MYO9B: variants seen among roughly 807,000 people sequenced by gnomAD.
MYO9B encodes the protein myosin IXB.
MYO9B carries 71 observed loss-of-function variants against 229.5 expected under a neutral mutation model. The observed-to-expected ratio is 0.31, with a 90% CI of 0.26 to 0.38. The LOEUF is 0.38. Ranked by LOEUF, MYO9B falls within the 10% of genes least tolerant of loss-of-function variation. The pLI is 1.00. For synonymous variants in MYO9B, 1,185 were observed against 1,235.8 expected (o/e 0.96, Z 0.86); for missense variants, 2,255 against 2,920.5 (o/e 0.77, Z 5.25).
Position 17,159,440 on chromosome 19 carries a change from G to T in MYO9B, c.1375G>T (p.Val459Leu). ...GGAGGTTCTGACCAAAAGAAAAACG[G>T]TGACCGTCAACGACAAGCTTATCCT... Reference protein sequence around the residue: ...LVEVLTKRKTVTVNDKLILPY... With the variant: ...LVEVLTKRKTLTVNDKLILPY... The change falls in exon 8 of 40, where the codon GTG (valine) becomes TTG (leucine). Residue 459 changes from valine (V) to leucine (L), a missense_variant. By Grantham distance (32) the Val-to-Leu change is conservative. Around this residue, in one of 7 missense-constraint regions of MYO9B, gnomAD observed 220 missense variants for 404.5 expected, o/e 0.54. Transcript: ENST00000682292. 6.2e-7 allele frequency: 1 copy of T among 1,610,930 alleles called. No homozygotes were observed. The highest frequency in any genetic ancestry group is 8.5e-7 in the Non-Finnish European group (1 of 1,178,650).
chr19:17,165,993 A>G (rs1003552619), intron 10 of MYO9B, among the ~76,000 whole-genome samples: 1 of 151,924 alleles, frequency 6.6e-6, no homozygotes, highest in African/African-American at 2.4e-5. Flanking sequence ...ATAAGGTGCT[A>G]TCTGGCCCAT....
intron 8 of MYO9B, among the ~76,000 whole-genome samples, chr19:17,159,993 G>A (rs1053453639): frequency 6.6e-6 from 1 of 152,120 alleles, no homozygotes; most frequent in Non-Finnish European, 1.5e-5. Flanking sequence ...GTAACTCCCA[G>A]CCTGTGAGTC....
Position 17,196,854 on chromosome 19 carries a change from G to A in MYO9B, c.4047-938G>A, listed in dbSNP as rs139875313. 1.8e-3 allele frequency among the ~76,000 whole-genome samples: 274 copies of A among 152,104 alleles called. 1 individual carries two copies. Among genetic ancestry groups the A allele is most frequent in the African/African-American group, 6.6e-3 (272 of 41,504 alleles). ...TGGATGGATGGACAGACAGAAGGATGGGTGGATGGCTGGAAGATAGAGATG... is the reference window on the plus strand; with the variant it reads ...TGGATGGATGGACAGACAGAAGGATAGGTGGATGGCTGGAAGATAGAGATG... On this transcript the variant is annotated intron_variant, in intron 22 of 39. Coordinates refer to ENST00000682292, the MANE Select transcript of MYO9B (RefSeq NM_004145.4).
In MYO9B at chr19:17,203,245, C is replaced by T. The variant is rs1287967987; in HGVS notation, c.4977C>T (p.Ala1659=). ...CLSYIWLMDK[A]LLCSVCKMTC... ...CCTATATCTGGCTCATGGACAAGGCCCTGCTCTGCAGCGGTGAGTGGCTCC... is the reference window on the plus strand; with the variant it reads ...CCTATATCTGGCTCATGGACAAGGCTCTGCTCTGCAGCGGTGAGTGGCTCC... The change falls in exon 30 of 40, where the codon GCC becomes GCT. Residue 1659 remains alanine (A), a synonymous_variant. Transcript: ENST00000682292. 8 of 1,557,448 alleles carry T rather than the reference C, an allele frequency of 5.1e-6. No individual in the cohort carries two copies. The highest frequency in any genetic ancestry group is 6.1e-6 in the Non-Finnish European group (7 of 1,150,268).
chr19:17,209,751 G>A (rs1258002896), intron 36 of MYO9B, 42 bp downstream of exon 36: 1 of 1,607,882 alleles, frequency 6.2e-7, no homozygotes, highest in African/African-American at 1.3e-5. Flanking sequence ...CTTTGGTGGG[G>A]CGGAGCCTGG....
intron 1 of MYO9B, among the ~76,000 whole-genome samples, chr19:17,084,686 A>G (rs2057565556): frequency 6.6e-6 from 1 of 151,376 alleles, no homozygotes; most frequent in South Asian, 2.1e-4. Flanking sequence ...CAACATGGTG[A>G]AATCTTGTGT....
intron 2 of MYO9B, among the ~76,000 whole-genome samples, chr19:17,110,514 G>A (rs371556214): frequency 2.0e-5 from 3 of 152,316 alleles, no homozygotes; most frequent in South Asian, 2.1e-4. Flanking sequence ...CACTCGCCTC[G>A]GTGCCCTTCT....
rs535362252 is a variant in MYO9B at position 17,203,303 on chromosome 19, A to G, written c.4990+45A>G. 2.4e-3 allele frequency: 3,394 copies of G among 1,411,280 alleles called. 45 individuals are homozygous for G. In the African/African-American group the frequency reaches 0.041, roughly 17 times the overall value. The allele number at this position is 1,411,280 out of a possible 1,614,324, so 87.4% of individuals were successfully genotyped here. A position where few individuals can be genotyped will look rare whatever the true frequency, so the allele number is the denominator to read the frequency against. On this transcript the variant is annotated intron_variant, in intron 30 of 39. Coordinates refer to ENST00000682292, the MANE Select transcript of MYO9B (RefSeq NM_004145.4). Reference sequence around the variant, plus strand: ...GGCCCCAAAACCCTCCATGTCCCCCACCACCCCTCACTGCTCAAGAGGTCT... The same window carrying G: ...GGCCCCAAAACCCTCCATGTCCCCCGCCACCCCTCACTGCTCAAGAGGTCT...
intron 2 of MYO9B, among the ~76,000 whole-genome samples, chr19:17,138,524 C>T (rs1264253545): frequency 6.6e-6 from 1 of 152,106 alleles, no homozygotes; most frequent in Non-Finnish European, 1.5e-5. Flanking sequence ...AGCCATCCTC[C>T]TGCCTTGGCC....
rs142274055 is a variant in MYO9B, at chr19:17,210,353, G to T, written c.5769G>T (p.Gly1923=). 60 of 1,599,490 alleles carry T rather than the reference G, an allele frequency of 3.8e-5. No individual in the cohort carries two copies. Among genetic ancestry groups the T allele is most frequent in the Middle Eastern group, 1.7e-4 (1 of 6,030 alleles). Residue 1923 remains glycine, a synonymous_variant, in exon 37 of 40, where the codon GGG becomes GGT. Transcript: ENST00000682292. The part of the protein sequence containing the change: ...RQNAPWPLKL[G]FSSPYEGVLN... ...CCCAGCCATGGCCTCTCAAACTGGG[G>T]TTTTCGTCTCCCTATGAGGGGGTCC...
chr19:17,163,514 C>T (rs2072627650), intron 10 of MYO9B, among the ~76,000 whole-genome samples: 1 of 151,842 alleles, frequency 6.6e-6, no homozygotes, highest in East Asian at 1.9e-4. Flanking sequence ...ACCACAGGTG[C>T]ACACTACCAT....
At chr19:17,105,807 T>G (rs1228070435) in intron 2 of MYO9B, among the ~76,000 whole-genome samples, 4 of 152,152 alleles carry the variant, frequency 2.6e-5, no homozygotes, top group Non-Finnish European at 5.9e-5. Context: ...AGACATTAAT[T>G]GGGGTCATAC....
At chr19:17,128,618 C>T (rs980750197) in intron 2 of MYO9B, among the ~76,000 whole-genome samples, 7 of 152,232 alleles carry the variant, frequency 4.6e-5, no homozygotes, top group Non-Finnish European at 7.3e-5. Flanking sequence ...CTCCGCCTAC[C>T]GGCTTGAGCC....
At chr19:17,137,757 T>C (rs545139299) in intron 2 of MYO9B, among the ~76,000 whole-genome samples, 1 of 152,034 alleles carries the variant, frequency 6.6e-6, no homozygotes, top group South Asian at 2.1e-4. Flanking sequence ...CCTTTTTTTT[T>C]ATTTGAAACA....
At chr19:17,122,312 G>A (rs893434974) in intron 2 of MYO9B, among the ~76,000 whole-genome samples, 1 of 152,030 alleles carries the variant, frequency 6.6e-6, no homozygotes, top group East Asian at 1.9e-4. Context: ...TAAGAGGGGG[G>A]CAGATCACCT....
At chr19:17,134,787 G>A (rs764239597) in intron 2 of MYO9B, among the ~76,000 whole-genome samples, 18 of 151,474 alleles carry the variant, frequency 1.2e-4, no homozygotes, top group East Asian at 5.8e-4. Flanking sequence ...TTTTCGAGAC[G>A]GAGTCTTGCT....
At chr19:17,099,261 A>G (rs2057721283) in intron 1 of MYO9B, 1 of 150,216 alleles carries the variant, frequency 6.7e-6, no homozygotes, top group African/African-American at 2.5e-5. Flanking sequence ...TGATAGAGTG[A>G]GACTCCATCT....
intron 1 of MYO9B, among the ~76,000 whole-genome samples, chr19:17,079,719 T>G (rs2057517602): frequency 6.6e-6 from 1 of 152,196 alleles, no homozygotes; most frequent in South Asian, 2.1e-4. Context: ...GCCACGGGAC[T>G]GACGGTCCCT....
At chr19:17,131,829 ATTTC>A (rs1224805948) in intron 2 of MYO9B, among the ~76,000 whole-genome samples, 3 of 141,930 alleles carry the variant, frequency 2.1e-5, no homozygotes, top group African/African-American at 8.0e-5. Flanking sequence ...AGCTTTATGG[ATTTC>A]TTTCTTCTGT....
Sources: gnomAD v4.1 joint callset for allele counts (sites outside exome capture counted in the v4.1 genomes callset) on GRCh38, gnomAD v4.1.1 for gene constraint, gnomAD v4.1.1 regional missense constraint, MANE v1.5 for transcripts, NCBI Gene and HGNC (gene_info 2026-07-23, HGNC 2026-07-21) for gene names.